The following ST6GALNAC3 variants were observed in gnomAD, a reference collection of about 807,000 sequenced individuals.
ST6GALNAC3 encodes the protein ST6 N-acetylgalactosaminide alpha-2,6-sialyltransferase 3.
ST6GALNAC3 carries 25 observed loss-of-function variants against 32.7 expected under a neutral mutation model. The observed-to-expected ratio is 0.76, with a 90% CI of 0.56 to 1.07. ST6GALNAC3 has a LOEUF of 1.07. Ranked by LOEUF, ST6GALNAC3 falls within the 50% of genes least tolerant of loss-of-function variation. The pLI is 0.00. For missense variants in ST6GALNAC3, 355 were observed against 382.4 expected, an observed-to-expected ratio of 0.93 and a Z score of 0.60; for synonymous variants, 129 against 133.1, an observed-to-expected ratio of 0.97 and a Z score of 0.21.
At position 76,200,763 on chromosome 1, in the gene ST6GALNAC3, A is replaced by G. The variant is rs183281744; in HGVS notation, c.19-113042A>G. Reference sequence around the variant, plus strand: ...CTCTTAAAACAAAGGAAGGGTGTCTATGTAGATGTGCTGATTGGTTCCAGG... The same window carrying G: ...CTCTTAAAACAAAGGAAGGGTGTCTGTGTAGATGTGCTGATTGGTTCCAGG... On this transcript the variant is annotated intron_variant, in intron 1 of 4. Transcript: ENST00000328299. Among the ~76,000 whole-genome samples, 4 of 152,294 alleles carry G rather than the reference A, an allele frequency of 2.6e-5. No individual in the cohort carries two copies. The East Asian group carries it at 5.8e-4, about 22-fold the overall frequency.
chr1:76,251,689 T>C (rs1177338132), intron 1 of ST6GALNAC3, among the ~76,000 whole-genome samples: 1 of 152,198 alleles, frequency 6.6e-6, no homozygotes, highest in African/African-American at 2.4e-5. Flanking sequence ...ATGATTCTTA[T>C]CATACTTCTT....
rs534254421 is a variant in ST6GALNAC3, at chr1:76,342,541, C to A, written c.213+28542C>A. 1.8e-4 allele frequency among the ~76,000 whole-genome samples: 27 copies of A among 151,604 alleles called. 1 individual carries two copies. The highest frequency in any genetic ancestry group is 5.9e-4 in the Admixed American group (9 of 15,214). On this transcript the variant is annotated intron_variant, in intron 2 of 4. Coordinates refer to ENST00000328299, the MANE Select transcript of ST6GALNAC3 (RefSeq NM_152996.4). ...GAAGTGTCTGTTCATATCCTTTGCC[C>A]ACTTTTTGATGTTTTTTTTTTCTTG...
chr1:76,216,518 A>G (rs758670006), intron 1 of ST6GALNAC3, among the ~76,000 whole-genome samples: 1 of 152,190 alleles, frequency 6.6e-6, no homozygotes, highest in African/African-American at 2.4e-5. Flanking sequence ...GCCTGGACAA[A>G]CATCCTGTAA....
chr1:76,150,641 C>T (rs1178311651), intron 1 of ST6GALNAC3, among the ~76,000 whole-genome samples: 1 of 151,286 alleles, frequency 6.6e-6, no homozygotes, highest in Non-Finnish European at 1.5e-5. Context: ...ATGGCTGGTG[C>T]AGTGGTAGGA....
rs573293855 is a variant in ST6GALNAC3 at position 76,455,655 on chromosome 1, A to T, written c.623+43238A>T. Among the ~76,000 whole-genome samples, 3 of 151,986 alleles carry T rather than the reference A, an allele frequency of 2.0e-5. No individual in the cohort carries two copies. The South Asian group carries it at 6.2e-4, about 32-fold the overall frequency. On this transcript the variant is annotated intron_variant, in intron 3 of 4. Coordinates refer to ENST00000328299, the MANE Select transcript of ST6GALNAC3 (RefSeq NM_152996.4). ...CTTTATTTCAAGTACTGAGGGAAAA[A>T]ATTTTTTGCCTTCTCTCTGGGAGAG...
chr1:76,106,006 C>A (rs1449868335), intron 1 of ST6GALNAC3, among the ~76,000 whole-genome samples: 1 of 152,160 alleles, frequency 6.6e-6, no homozygotes, highest in African/African-American at 2.4e-5. Flanking sequence ...GGTATTTGCT[C>A]TGCTATTTAT....
intron 2 of ST6GALNAC3, among the ~76,000 whole-genome samples, chr1:76,396,870 G>A (rs4554766): frequency 1 from 151,662 of 152,284 alleles, 75,525 homozygotes; most frequent in East Asian, 1. Context: ...TAAAGTCTGA[G>A]TATGTTCTTT....
chr1:76,229,828 G>A (rs987587009), intron 1 of ST6GALNAC3, among the ~76,000 whole-genome samples: 3 of 152,162 alleles, frequency 2.0e-5, no homozygotes, highest in South Asian at 2.1e-4. Context: ...AAATGTCAAC[G>A]CATGCATTAG....
chr1:76,397,608 A>G (rs748537938), intron 2 of ST6GALNAC3, among the ~76,000 whole-genome samples: 7 of 151,968 alleles, frequency 4.6e-5, no homozygotes, highest in African/African-American at 9.7e-5. Context: ...TCCTAACCTC[A>G]GGTGATCTGC....
intron 1 of ST6GALNAC3, among the ~76,000 whole-genome samples, chr1:76,172,103 C>T (rs1652555054): frequency 6.6e-6 from 1 of 151,962 alleles, no homozygotes; most frequent in African/African-American, 2.4e-5. Flanking sequence ...ACTGGCAAAC[C>T]AAATCCAGCA....
chr1:76,143,392 C>CGTATGT (rs1553159045), intron 1 of ST6GALNAC3, among the ~76,000 whole-genome samples: 2 of 142,350 alleles, frequency 1.4e-5, no homozygotes, highest in Non-Finnish European at 3.0e-5. Flanking sequence ...CTTACCAAGT[C>CGTATGT]GTGTGTGTGT....
intron 1 of ST6GALNAC3, among the ~76,000 whole-genome samples, chr1:76,284,964 A>T (rs745420286): frequency 9.9e-5 from 15 of 152,050 alleles, no homozygotes; most frequent in Non-Finnish European, 1.5e-4. Flanking sequence ...CTGGATACGG[A>T]GATAGATGGC....
intron 3 of ST6GALNAC3, among the ~76,000 whole-genome samples, chr1:76,610,206 T>C (rs1175265291): frequency 6.6e-6 from 1 of 152,214 alleles, no homozygotes; most frequent in Non-Finnish European, 1.5e-5. Flanking sequence ...AAAAGAGAAA[T>C]GAACCCAAAC....
chr1:76,182,383 G>T lies in ST6GALNAC3; in HGVS notation c.18+107499G>T, dbSNP rs1345943307. 2.0e-5 allele frequency among the ~76,000 whole-genome samples: 3 copies of T among 152,022 alleles called. No individual in the cohort carries two copies. The East Asian group carries it at 5.8e-4, about 29-fold the overall frequency. On this transcript the variant is annotated intron_variant, in intron 1 of 4. Transcript: ENST00000328299. ...TTTCTGTAGCATGAAACTAATATCTGGTCTTATTGCATGATCATTTTTCTT... is the reference window on the plus strand; with the variant it reads ...TTTCTGTAGCATGAAACTAATATCTTGTCTTATTGCATGATCATTTTTCTT...
chr1:76,370,249 A>G (rs1289550475), intron 2 of ST6GALNAC3, among the ~76,000 whole-genome samples: 1 of 152,162 alleles, frequency 6.6e-6, no homozygotes, highest in South Asian at 2.1e-4. Flanking sequence ...AATGAACTCT[A>G]CTGAACTCTG....
intron 1 of ST6GALNAC3, among the ~76,000 whole-genome samples, chr1:76,089,973 G>A (rs1398132724): frequency 1.3e-5 from 2 of 152,202 alleles, no homozygotes; most frequent in South Asian, 2.1e-4. Context: ...GAAGGTAAGA[G>A]TAAGTTAGAG....
chr1:76,475,187 A>G (rs1245698700), intron 3 of ST6GALNAC3, among the ~76,000 whole-genome samples: 1 of 152,164 alleles, frequency 6.6e-6, no homozygotes. Flanking sequence ...AATAAAAGAT[A>G]GTGTCTCTTT....
At chr1:76,625,567 C>T (rs1476143995) in intron 3 of ST6GALNAC3, among the ~76,000 whole-genome samples, 2 of 151,874 alleles carry the variant, frequency 1.3e-5, no homozygotes, top group African/African-American at 4.8e-5. Flanking sequence ...AATTTGGGAG[C>T]ATTTTGTCAA....
chr1:76,475,881 G>A (rs1462690231), intron 3 of ST6GALNAC3, among the ~76,000 whole-genome samples: 1 of 152,042 alleles, frequency 6.6e-6, no homozygotes, highest in Non-Finnish European at 1.5e-5. Flanking sequence ...CCCGCTGTGT[G>A]ATGTTCCCCT....
Sources: gnomAD v4.1 joint callset for allele counts (sites outside exome capture counted in the v4.1 genomes callset) on GRCh38, gnomAD v4.1.1 for gene constraint, MANE v1.5 for transcripts, NCBI Gene and HGNC (gene_info 2026-07-23, HGNC 2026-07-21) for gene names.